DLG2: variants seen among roughly 807,000 people sequenced by gnomAD.
The protein encoded by DLG2 is disks large homolog 2.
A neutral mutation model predicts 132.5 loss-of-function variants in DLG2; 45 were observed. The ratio of observed to expected loss-of-function variants is 0.34; its 90% CI spans 0.27 to 0.44. The LOEUF (loss-of-function observed/expected upper bound fraction) is 0.44. DLG2 is among the 20% of genes least tolerant of loss of function. The probability of loss-of-function intolerance (pLI) is 1.00; values close to 1 mark genes in which losing one functional copy is unlikely to be tolerated. For synonymous variants in DLG2, 424 were observed against 419.6 expected (o/e 1.01, Z -0.13); for missense variants, 1,045 against 1,196.9 (o/e 0.87, Z 1.87).
chr11:84,284,537 G>T (rs561695980), intron 7 of DLG2, among the ~76,000 whole-genome samples: 1 of 152,316 alleles, frequency 6.6e-6, no homozygotes, highest in Non-Finnish European at 1.5e-5. Flanking sequence ...GAAAACAAGA[G>T]ACCTGAGAGA....
intron 6 of DLG2, among the ~76,000 whole-genome samples, chr11:84,713,924 T>C (rs1479136527): frequency 6.6e-6 from 1 of 152,020 alleles, no homozygotes; most frequent in African/African-American, 2.4e-5. Context: ...ATACAGCAAT[T>C]AAAATACATT....
chr11:85,113,331 T>C (rs1410791154), intron 5 of DLG2, among the ~76,000 whole-genome samples: 1 of 152,052 alleles, frequency 6.6e-6, no homozygotes, highest in Non-Finnish European at 1.5e-5. Flanking sequence ...GCAAGGAAGC[T>C]ACTAATGAGA....
chr11:83,586,246 A>T (rs1459759389), intron 19 of DLG2, among the ~76,000 whole-genome samples: 1 of 152,256 alleles, frequency 6.6e-6, no homozygotes, highest in East Asian at 1.9e-4. Flanking sequence ...GTGTGGAGTA[A>T]ACTTAAGTGT....
chr11:85,275,654 G>T (rs2077842086), intron 4 of DLG2, among the ~76,000 whole-genome samples: 1 of 151,450 alleles, frequency 6.6e-6, no homozygotes, highest in Non-Finnish European at 1.5e-5. Context: ...ATTCTGCCCT[G>T]TATAGAAAAA....
At chr11:85,386,102 C>T (rs2086299269) in intron 3 of DLG2, among the ~76,000 whole-genome samples, 2 of 152,138 alleles carry the variant, frequency 1.3e-5, no homozygotes. Flanking sequence ...GATCCACAAA[C>T]TTGAATATGT....
At chr11:84,278,489 C>T (rs1272455502) in intron 7 of DLG2, among the ~76,000 whole-genome samples, 1 of 150,806 alleles carries the variant, frequency 6.6e-6, no homozygotes, top group African/African-American at 2.4e-5. Flanking sequence ...TTTTTTGAGG[C>T]CAGCATTACC....
chr11:83,910,504 T>C (rs11233802), intron 15 of DLG2, among the ~76,000 whole-genome samples: 30,549 of 152,106 alleles, frequency 0.2, 3,352 homozygotes, highest in Non-Finnish European at 0.26. Flanking sequence ...TCCTGTAGCA[T>C]GGTAGAATGA....
chr11:85,026,242 AAG>A (rs2060502594), intron 6 of DLG2, among the ~76,000 whole-genome samples: 1 of 152,214 alleles, frequency 6.6e-6, no homozygotes, highest in Non-Finnish European at 1.5e-5. Context: ...CTTAAATATG[AAG>A]AGTTCTGCAA....
At chr11:83,757,975 A>T (rs947094227) in intron 18 of DLG2, among the ~76,000 whole-genome samples, 3 of 152,220 alleles carry the variant, frequency 2.0e-5, no homozygotes, top group African/African-American at 7.2e-5. Context: ...CAAAGCTAAC[A>T]TCTGTGTCCA....
chr11:83,499,778 T>C (rs531640629), intron 21 of DLG2, among the ~76,000 whole-genome samples: 1 of 143,106 alleles, frequency 7.0e-6, no homozygotes, highest in Non-Finnish European at 1.5e-5. Context: ...AACTCCCATA[T>C]ATATATATTA....
At chr11:84,194,705 A>T (rs1444093965) in intron 8 of DLG2, among the ~76,000 whole-genome samples, 6 of 152,132 alleles carry the variant, frequency 3.9e-5, no homozygotes, top group Non-Finnish European at 5.9e-5. Context: ...CCAAGTCTCA[A>T]CCTGACTCAG....
intron 6 of DLG2, among the ~76,000 whole-genome samples, chr11:84,776,571 C>T (rs1430424463): frequency 6.6e-6 from 1 of 152,146 alleles, no homozygotes; most frequent in East Asian, 1.9e-4. Context: ...TAGCCTCTCC[C>T]AATCCATATG....
intron 6 of DLG2, among the ~76,000 whole-genome samples, chr11:84,641,979 ATGTG>A (rs935645402): frequency 2.8e-5 from 4 of 142,844 alleles, no homozygotes; most frequent in Admixed American, 6.8e-5. Flanking sequence ...ATATGTATGC[ATGTG>A]TGTATGTGTG....
intron 6 of DLG2, among the ~76,000 whole-genome samples, chr11:85,059,678 C>T (rs116655403): frequency 0.021 from 3,243 of 151,588 alleles, 132 homozygotes; most frequent in African/African-American, 0.075. Flanking sequence ...AAATAGTCTA[C>T]GATTCTAGGC....
chr11:85,105,723 T>C (rs2071625598), intron 6 of DLG2, among the ~76,000 whole-genome samples: 4 of 151,956 alleles, frequency 2.6e-5, no homozygotes, highest in Admixed American at 2.6e-4. Context: ...CATGAAAACC[T>C]TGCCCTAAAA....
At chr11:85,443,605 G>A (rs190817006) in intron 3 of DLG2, among the ~76,000 whole-genome samples, 112 of 152,290 alleles carry the variant, frequency 7.4e-4, no homozygotes, top group African/African-American at 2.6e-3. Flanking sequence ...GTTTCTTCAT[G>A]TGTGAAATAA....
At chr11:84,545,927 C>G (rs1347255880) in intron 6 of DLG2, among the ~76,000 whole-genome samples, 11 of 151,800 alleles carry the variant, frequency 7.2e-5, no homozygotes, top group African/African-American at 2.7e-4. Context: ...ATATAATTTT[C>G]TTATTTTTAG....
chr11:85,401,775 C>T (rs1345548981), intron 3 of DLG2, among the ~76,000 whole-genome samples: 1 of 152,090 alleles, frequency 6.6e-6, no homozygotes, highest in Non-Finnish European at 1.5e-5. Flanking sequence ...AGGAATACAA[C>T]TTACAAAGGA....
chr11:84,230,206 A>G, intron 8 of DLG2, among the ~76,000 whole-genome samples: 1 of 152,208 alleles, frequency 6.6e-6, no homozygotes, highest in South Asian at 2.1e-4. Flanking sequence ...AAGAAGAACT[A>G]AATATGTTTA....
Sources: gnomAD v4.1 joint callset for allele counts (sites outside exome capture counted in the v4.1 genomes callset) on GRCh38, gnomAD v4.1.1 for gene constraint, MANE v1.5 for transcripts, NCBI Gene and HGNC (gene_info 2026-07-23, HGNC 2026-07-21) for gene names.